NUDT13: variants seen among roughly 807,000 people sequenced by gnomAD.
NUDT13 encodes the protein nudix hydrolase 13, also known as NAD(P)H pyrophosphatase NUDT13, mitochondrial.
A neutral mutation model predicts 41.7 loss-of-function variants in NUDT13; 40 were observed. The ratio of observed to expected loss-of-function variants is 0.96; its 90% CI spans 0.75 to 1.25. NUDT13 has a LOEUF of 1.25. Ranked by LOEUF, NUDT13 falls within the 50% of genes most tolerant of loss-of-function variation. The pLI is 0.00. For missense variants in NUDT13, 390 were observed against 416.1 expected (o/e 0.94, Z 0.55); for synonymous variants, 145 against 155.5 (o/e 0.93, Z 0.50).
chr10:73,131,196 C>CT lies in NUDT13; in HGVS notation c.*294dup, dbSNP rs1486322228. 4 of 290,024 alleles carry CT rather than the reference C, an allele frequency of 1.4e-5. No individual in the cohort carries two copies. The highest frequency in any genetic ancestry group is 2.7e-5 in the Non-Finnish European group (4 of 147,546). 18.0% of individuals were successfully genotyped at this position (290,024 alleles called of 1,614,324 possible). ...GTAGGCCCTTGTTCAGTCATTTTCT[C>CT]TAAGGCCTTGGAAGCAAACATCTTC... is the stretch of plus-strand genomic sequence containing the variant. On this transcript the variant is annotated 3_prime_UTR_variant, in exon 9 of 9. Coordinates refer to ENST00000357321, the MANE Select transcript of NUDT13 (RefSeq NM_015901.6).
rs1564654429 is a variant in NUDT13 at position 73,126,828 on chromosome 10, G to A, written c.858+1G>A. ...AACTGTGAAACCAGGGCAGACAGAA[G>A]TAAGTTCTCATCTTCCCTTATACTG... On this transcript the variant is annotated splice_donor_variant, in intron 8 of 8. Transcript: ENST00000357321. LOFTEE classifies it high-confidence loss of function. The A allele has an allele frequency of 1.2e-6, 2 of 1,613,788 alleles. No homozygotes were observed. The highest frequency in any genetic ancestry group is 4.5e-5 in the East Asian group (2 of 44,888).
chr10:73,126,992 C>G (rs959438822), intron 8 of NUDT13, among the ~76,000 whole-genome samples, 165 bp downstream of exon 8: 2 of 152,152 alleles, frequency 1.3e-5, no homozygotes, highest in African/African-American at 4.8e-5. Context: ...GCCTGTAATC[C>G]CAACACTTTG....
chr10:73,123,804 G>A (rs914078047), intron 4 of NUDT13, among the ~76,000 whole-genome samples: 3 of 151,180 alleles, frequency 2.0e-5, no homozygotes, highest in Non-Finnish European at 2.9e-5. Context: ...GATTACAGGC[G>A]CCCACCACCA....
rs781402060 is a variant in NUDT13 at position 73,124,113 on chromosome 10, A to T, written c.359-101A>T. ...CCCCCACACCTAGCTGAATCTTACG[A>T]GGCAAGTTTGGGAAACACTATTTTA... On this transcript the variant is annotated intron_variant, in intron 4 of 8. Transcript: ENST00000357321. The T allele has an allele frequency of 6.2e-4, 481 of 774,138 alleles. 2 individuals carry two copies. Among genetic ancestry groups the T allele is most frequent in the Middle Eastern group, 1.8e-3 (6 of 3,268 alleles). The allele number at this position is 774,138 out of a possible 1,614,324, so 48.0% of individuals were successfully genotyped here. A position where few individuals can be genotyped will look rare whatever the true frequency, so the allele number is the denominator to read the frequency against.
chr10:73,130,876 A>T lies in NUDT13; in HGVS notation c.1032A>T (p.Lys344Asn). ...SHQLIKEWVE[K>N]QTCSSLPA ...AACTGATTAAGGAGTGGGTGGAAAA[A>T]CAGACCTGTTCTTCCCTGCCTGCTT... The change falls in exon 9 of 9, where the codon AAA (lysine) becomes AAT (asparagine). Residue 344 changes from lysine (K) to asparagine (N), a missense_variant. By Grantham distance (94) the Lys-to-Asn change is moderately conservative. Transcript: ENST00000357321. 1.9e-6 allele frequency: 3 copies of T among 1,613,798 alleles called. No individual in the cohort carries two copies. The highest frequency in any genetic ancestry group is 1.7e-6 in the Non-Finnish European group (2 of 1,179,862).
chr10:73,122,323 T>C lies in NUDT13; in HGVS notation c.358+14T>C, dbSNP rs1412684659. ...TTTCCATAAGTGGTACATGACATTA[T>C]TCCTAACGGGTACTTCCCAGTGGTC... On this transcript the variant is annotated intron_variant, in intron 4 of 8. Transcript: ENST00000357321. 11 of 1,603,268 alleles carry C rather than the reference T, an allele frequency of 6.9e-6. No homozygotes were observed. The highest frequency in any genetic ancestry group is 9.3e-6 in the Non-Finnish European group (11 of 1,176,608).
Position 73,120,156 on chromosome 10 carries a change from A to T in NUDT13, c.222A>T (p.Leu74Phe). 2 of 1,614,184 alleles carry T rather than the reference A, an allele frequency of 1.2e-6. No homozygotes were observed. Among genetic ancestry groups the T allele is most frequent in the Non-Finnish European group, 1.7e-6 (2 of 1,180,018 alleles). ...ACCTGGCCCCCCGGCACAGCCTGTT[A>T]GGTAAGTCCAGAGTGGACCAGTGGC... ...HQYLAPRHSL[L>F]ELERLLGKFG... The change falls in exon 3 of 9, where the codon TTA becomes TTT. Residue 74 changes from leucine to phenylalanine, a missense_variant and splice_region_variant. Coordinates refer to ENST00000357321, the MANE Select transcript of NUDT13 (RefSeq NM_015901.6).
At chr10:73,119,819 G>C (rs1240322349) in intron 2 of NUDT13, among the ~76,000 whole-genome samples, 199 bp from the exon 3 acceptor site, 1 of 152,078 alleles carries the variant, frequency 6.6e-6, no homozygotes, top group Non-Finnish European at 1.5e-5. Flanking sequence ...GTATGGGTGA[G>C]GTACACAGTA....
intron 2 of NUDT13, among the ~76,000 whole-genome samples, chr10:73,117,840 AGTTT>A (rs957537397): frequency 1.8e-4 from 27 of 152,312 alleles, no homozygotes; most frequent in Admixed American, 1.2e-3. Flanking sequence ...ATAAGGAAAA[AGTTT>A]GTTTTAAAAT....
Position 73,122,282 on chromosome 10 carries a change from G to T in NUDT13, c.331G>T (p.Gly111Cys). 6.2e-7 allele frequency: 1 copy of T among 1,614,012 alleles called. No homozygotes were observed. Among genetic ancestry groups the T allele is most frequent in the Non-Finnish European group, 8.5e-7 (1 of 1,179,956 alleles). ...QQEAWFALDL[G>C]LDSSFSISAS... ...GGAAGCATGGTTTGCTCTGGATCTAGGTCTGGATAGCTCCTTTTCCATAAG... is the reference window on the plus strand; with the variant it reads ...GGAAGCATGGTTTGCTCTGGATCTATGTCTGGATAGCTCCTTTTCCATAAG... The change falls in exon 4 of 9, where the codon GGT becomes TGT. Residue 111 changes from glycine to cysteine, a missense_variant. Coordinates refer to ENST00000357321, the MANE Select transcript of NUDT13 (RefSeq NM_015901.6).
rs551372121 is a variant in NUDT13, at chr10:73,121,824, T to C, written c.224-351T>C. On this transcript the variant is annotated intron_variant, in intron 3 of 8. Coordinates refer to ENST00000357321, the MANE Select transcript of NUDT13 (RefSeq NM_015901.6). ...TCCTCCCTGCCCCCCAGCCTTGGTC[T>C]GTACCATTTTAAGTGTGATACTTAT... Among the ~76,000 whole-genome samples the C allele has an allele frequency of 3.9e-5, 6 of 152,316 alleles. No homozygotes were observed. In the South Asian group the frequency reaches 1.2e-3, roughly 32 times the overall value.
intron 1 of NUDT13, among the ~76,000 whole-genome samples, chr10:73,113,713 G>A (rs753141238): frequency 2.6e-5 from 4 of 152,170 alleles, no homozygotes; most frequent in Middle Eastern, 3.2e-3. Context: ...AGCCAAAACT[G>A]TCCAAGAATT....
Position 73,130,981 on chromosome 10 carries a change from C to CA in NUDT13, c.*82dup, listed in dbSNP as rs1842906101. On this transcript the variant is annotated 3_prime_UTR_variant, in exon 9 of 9. Coordinates refer to ENST00000357321, the MANE Select transcript of NUDT13 (RefSeq NM_015901.6). ...AGATCAGTTGACAAAGGAGAAGTGA[C>CA]AAAAGATAAGCTGCAGAAGGACCTC... 7.7e-7 allele frequency: 1 copy of CA among 1,293,302 alleles called. No homozygotes were observed. The highest frequency in any genetic ancestry group is 1.1e-6 in the Non-Finnish European group (1 of 902,086). The allele number at this position is 1,293,302 out of a possible 1,614,324, so 80.1% of individuals were successfully genotyped here.
chr10:73,122,638 C>T (rs1424945352), intron 4 of NUDT13, among the ~76,000 whole-genome samples: 1 of 151,966 alleles, frequency 6.6e-6, no homozygotes, highest in Non-Finnish European at 1.5e-5. Context: ...GTGGTACAAT[C>T]ACAGCTCACT....
chr10:73,112,464 G>GT (rs1186533067), intron 1 of NUDT13, among the ~76,000 whole-genome samples: 8 of 151,540 alleles, frequency 5.3e-5, no homozygotes, highest in Non-Finnish European at 8.8e-5. Context: ...ACTGTTACCT[G>GT]TTTTTTTCTC....
chr10:73,116,556 C>T (rs1049601648), intron 2 of NUDT13, among the ~76,000 whole-genome samples: 9 of 151,948 alleles, frequency 5.9e-5, no homozygotes, highest in East Asian at 1.9e-4. Flanking sequence ...CCAGCTTGGC[C>T]GGCATGGTGA....
intron 2 of NUDT13, among the ~76,000 whole-genome samples, chr10:73,118,343 T>C (rs1842564629): frequency 6.6e-6 from 1 of 152,224 alleles, no homozygotes; most frequent in African/African-American, 2.4e-5. Flanking sequence ...CTTTTTGCTT[T>C]TTATTTTCAT....
intron 3 of NUDT13, among the ~76,000 whole-genome samples, chr10:73,121,457 T>C (rs1174583548): frequency 1.3e-5 from 2 of 152,206 alleles, no homozygotes; most frequent in Non-Finnish European, 2.9e-5. Flanking sequence ...ACGGTTTTTG[T>C]GTGTGTTATG....
rs1266283056 is a variant in NUDT13, at chr10:73,131,123, C to A, written c.*220C>A. 7.0e-6 allele frequency: 3 copies of A among 430,660 alleles called. No individual in the cohort carries two copies. Among genetic ancestry groups the A allele is most frequent in the Non-Finnish European group, 1.3e-5 (3 of 229,476 alleles). The allele number at this position is 430,660 out of a possible 1,614,324, so 26.7% of individuals were successfully genotyped here. ...CCAGTGTGAGAAGAAAACTGATGAG[C>A]TGTCAACTGTCAAAAATCAGGGGGA... On this transcript the variant is annotated 3_prime_UTR_variant, in exon 9 of 9. Transcript: ENST00000357321.
Sources: allele counts gnomAD v4.1 joint callset (sites outside exome capture counted in the v4.1 genomes callset), GRCh38; gene constraint gnomAD v4.1.1; transcripts MANE v1.5; gene names NCBI Gene and HGNC (gene_info 2026-07-23, HGNC 2026-07-21).